Variants in PTPRD observed in about 807,000 individuals in gnomAD.
The protein encoded by PTPRD is receptor-type tyrosine-protein phosphatase delta.
A neutral mutation model predicts 214.5 loss-of-function variants in PTPRD; 34 were observed. That is an observed-to-expected ratio of 0.16 (90% confidence interval 0.12 to 0.21). The LOEUF (loss-of-function observed/expected upper bound fraction) is 0.21. Among genes scored for constraint, PTPRD ranks in the 10% least tolerant of loss-of-function variants. PTPRD has a pLI of 1.00. For synonymous variants in PTPRD, 1,128 were observed against 845.7 expected, an observed-to-expected ratio of 1.33 and a Z score of -5.79; for missense variants, 2,545 against 2,398.7, an observed-to-expected ratio of 1.06 and a Z score of -1.27.
rs1298772067 is a variant in PTPRD at position 9,333,241 on chromosome 9, CAT to C, written c.-203+64206_-203+64207del. Among the ~76,000 whole-genome samples the C allele has an allele frequency of 2.6e-5, 4 of 151,556 alleles. No individual in the cohort carries two copies. The East Asian group carries it at 7.8e-4, about 29-fold the overall frequency. ...TAATAAGAAAAGGCTTTGTAGGTGA[CAT>C]AGAATAAGGGCTTGAAATGTGGCTG... On this transcript the variant is annotated intron_variant, in intron 9 of 45. Transcript: ENST00000381196.
chr9:10,409,906 G>T lies in PTPRD; in HGVS notation c.-599-68889C>A, dbSNP rs1173520645. On this transcript the variant is annotated intron_variant, in intron 2 of 45. Transcript: ENST00000381196. ...TCCAGCCCCATTCAAGCCTTCAGGT[G>T]ACTGCAGCCCTGACTGACATCTTGA... Among the ~76,000 whole-genome samples, 3 of 151,642 alleles carry T rather than the reference G, an allele frequency of 2.0e-5. No individual in the cohort carries two copies. In the Admixed American group the frequency reaches 2.0e-4, roughly 10 times the overall value.
chr9:8,861,489 G>T (rs2098105201), intron 11 of PTPRD: 1 of 152,000 alleles, frequency 6.6e-6, no homozygotes, highest in African/African-American at 2.4e-5. Flanking sequence ...GTGATTAAAA[G>T]TTTGGAAGCA....
chr9:8,804,095 G>C (rs2096626219), intron 11 of PTPRD, among the ~76,000 whole-genome samples: 1 of 151,934 alleles, frequency 6.6e-6, no homozygotes, highest in Admixed American at 6.6e-5. Context: ...TGGGATTAGA[G>C]GGGTGTGCTA....
At chr9:10,448,156 C>A (rs1399182886) in intron 2 of PTPRD, among the ~76,000 whole-genome samples, 1 of 152,012 alleles carries the variant, frequency 6.6e-6, no homozygotes, top group East Asian at 1.9e-4. Context: ...CTTAAGACAG[C>A]ATTAACTTTA....
At chr9:9,778,660 G>C (rs1261299113) in intron 5 of PTPRD, among the ~76,000 whole-genome samples, 1 of 152,106 alleles carries the variant, frequency 6.6e-6, no homozygotes, top group African/African-American at 2.4e-5. Flanking sequence ...CAGGTACACA[G>C]TGTAGCCTTA....
At chr9:9,400,618 G>C (rs1192761322) in intron 8 of PTPRD, among the ~76,000 whole-genome samples, 1 of 151,934 alleles carries the variant, frequency 6.6e-6, no homozygotes, top group Non-Finnish European at 1.5e-5. Context: ...CCTGAGAGTG[G>C]CATCTGGAAA....
chr9:10,232,972 C>A (rs2099616774), intron 3 of PTPRD, among the ~76,000 whole-genome samples: 1 of 151,922 alleles, frequency 6.6e-6, no homozygotes. Flanking sequence ...AGGGAAAAAC[C>A]CTCACTGGCA....
At chr9:9,229,497 G>C (rs918706906) in intron 9 of PTPRD, among the ~76,000 whole-genome samples, 1 of 151,992 alleles carries the variant, frequency 6.6e-6, no homozygotes, top group East Asian at 1.9e-4. Context: ...CCACAAAAAA[G>C]CATCCAATTG....
intron 3 of PTPRD, among the ~76,000 whole-genome samples, chr9:10,097,301 G>A (rs185480646): frequency 7.9e-6 from 1 of 126,724 alleles, no homozygotes; most frequent in East Asian, 2.6e-4. Flanking sequence ...TGATGAGGAT[G>A]GCATTGAATC....
chr9:9,879,270 G>C (rs2067865278), intron 5 of PTPRD, among the ~76,000 whole-genome samples: 1 of 152,114 alleles, frequency 6.6e-6, no homozygotes, highest in Non-Finnish European at 1.5e-5. Flanking sequence ...TGTGTCATGA[G>C]GGGCTATCTT....
intron 8 of PTPRD, among the ~76,000 whole-genome samples, chr9:9,486,093 G>C (rs1051217239): frequency 7.4e-6 from 1 of 135,510 alleles, no homozygotes; most frequent in Non-Finnish European, 1.5e-5. Context: ...GGATGTTGTG[G>C]TGAGTCGAGA....
intron 5 of PTPRD, among the ~76,000 whole-genome samples, chr9:9,890,688 G>A (rs971487821): frequency 2.0e-5 from 3 of 151,964 alleles, no homozygotes; most frequent in African/African-American, 7.2e-5. Context: ...CAGAGACTCT[G>A]TGCAAAAGGT....
chr9:10,248,256 C>T (rs749509472), intron 3 of PTPRD, among the ~76,000 whole-genome samples: 6 of 152,032 alleles, frequency 3.9e-5, no homozygotes, highest in East Asian at 3.9e-4. Flanking sequence ...TCTCAGTCAA[C>T]GTTTTTTGGG....
At chr9:8,690,336 G>A (rs1252134799) in intron 12 of PTPRD, among the ~76,000 whole-genome samples, 1 of 151,724 alleles carries the variant, frequency 6.6e-6, no homozygotes, top group Non-Finnish European at 1.5e-5. Context: ...GACCATCCTG[G>A]ATAACGCAGT....
intron 9 of PTPRD, among the ~76,000 whole-genome samples, chr9:9,272,957 T>C (rs1195320651): frequency 3.3e-5 from 5 of 151,358 alleles, no homozygotes; most frequent in African/African-American, 4.8e-5. Flanking sequence ...TAGCGCTATA[T>C]GCCTTTAGAT....
chr9:9,892,715 C>T (rs2073777194), intron 5 of PTPRD, among the ~76,000 whole-genome samples: 1 of 150,718 alleles, frequency 6.6e-6, no homozygotes, highest in African/African-American at 2.5e-5. Flanking sequence ...AGAAGGTACA[C>T]TGGTTAGGAG....
intron 8 of PTPRD, among the ~76,000 whole-genome samples, chr9:9,409,607 C>T (rs1354932129): frequency 1.3e-5 from 2 of 151,984 alleles, no homozygotes; most frequent in Non-Finnish European, 2.9e-5. Context: ...CTAAGATGAG[C>T]TCAATATAAA....
intron 3 of PTPRD, among the ~76,000 whole-genome samples, chr9:10,246,461 C>T (rs892969228): frequency 6.6e-6 from 1 of 152,158 alleles, no homozygotes; most frequent in South Asian, 2.1e-4. Flanking sequence ...CCAGTCTGCT[C>T]TCCAACTCTT....
chr9:9,681,608 G>A (rs2097073233), intron 7 of PTPRD, among the ~76,000 whole-genome samples: 2 of 151,604 alleles, frequency 1.3e-5, no homozygotes, highest in African/African-American at 4.8e-5. Context: ...TTTTAATCAG[G>A]CCATCTTAAA....
Sources: gnomAD v4.1 joint callset for allele counts (sites outside exome capture counted in the v4.1 genomes callset) on GRCh38, gnomAD v4.1.1 for gene constraint, MANE v1.5 for transcripts, NCBI Gene and HGNC (gene_info 2026-07-23, HGNC 2026-07-21) for gene names.